NXPE2: variants seen among roughly 807,000 people sequenced by gnomAD.
NXPE2 encodes the protein neurexophilin and PC-esterase domain family member 2.
In NXPE2, 34 loss-of-function variants were observed where a neutral mutation model predicts 34.4. The ratio of observed to expected loss-of-function variants is 0.99; its 90% CI spans 0.75 to 1.31. The LOEUF is 1.31. Ranked by LOEUF, NXPE2 falls within the 40% of genes most tolerant of loss-of-function variation. The pLI is 0.00. For missense variants in NXPE2, 649 were observed against 672.5 expected (o/e 0.97, Z 0.39); for synonymous variants, 235 against 231.3 (o/e 1.02, Z -0.15).
At chr11:114,800,065 C>G in the NXPE2 span, among the ~76,000 whole-genome samples, 1 of 152,104 alleles carries the variant, frequency 6.6e-6, no homozygotes, top group African/African-American at 2.4e-5. Context: ...GGATCCAATG[C>G]AATTGTGCCT....
the NXPE2 span, among the ~76,000 whole-genome samples, chr11:114,494,227 A>G: frequency 6.6e-6 from 1 of 152,092 alleles, no homozygotes; most frequent in Non-Finnish European, 1.5e-5. Flanking sequence ...TTTGTACTTG[A>G]ATATTGATAT....
At chr11:114,628,003 C>T in the NXPE2 span, among the ~76,000 whole-genome samples, 1 of 151,732 alleles carries the variant, frequency 6.6e-6, no homozygotes, top group Non-Finnish European at 1.5e-5. Context: ...AACACAGGAG[C>T]ACCTAGATTC....
the NXPE2 span, among the ~76,000 whole-genome samples, chr11:114,466,913 A>T: frequency 6.6e-6 from 1 of 152,182 alleles, no homozygotes; most frequent in African/African-American, 2.4e-5. Flanking sequence ...ATTGAGTTGG[A>T]GGCTGAAGCA....
chr11:114,620,797 T>C, the NXPE2 span, among the ~76,000 whole-genome samples: 1 of 152,140 alleles, frequency 6.6e-6, no homozygotes, highest in Admixed American at 6.5e-5. Context: ...ATAATAAGTG[T>C]TGCCTCAGGG....
At chr11:114,767,460 C>T in the NXPE2 span, among the ~76,000 whole-genome samples, 2 of 152,248 alleles carry the variant, frequency 1.3e-5, no homozygotes, top group South Asian at 2.1e-4. Flanking sequence ...ATCCACATGC[C>T]CTTTCCCTGG....
chr11:114,527,962 T>C, the NXPE2 span: 1 of 1,305,642 alleles, frequency 7.7e-7, no homozygotes, highest in Non-Finnish European at 1.1e-6. Flanking sequence ...CACAGGTGAA[T>C]CATCTGCTTG....
At chr11:114,606,938 C>A in the NXPE2 span, among the ~76,000 whole-genome samples, 30 of 151,872 alleles carry the variant, frequency 2.0e-4, no homozygotes, top group Non-Finnish European at 5.9e-5. Context: ...CATGGGTAAC[C>A]ACTGTTATCC....
the NXPE2 span, among the ~76,000 whole-genome samples, chr11:114,770,079 A>T: frequency 0.5 from 75,507 of 152,082 alleles, 19,032 homozygotes; most frequent in South Asian, 0.6. Flanking sequence ...CTATAGCATA[A>T]GGCTCACTGA....
chr11:114,750,743 A>C, the NXPE2 span, among the ~76,000 whole-genome samples: 1 of 152,238 alleles, frequency 6.6e-6, no homozygotes, highest in Admixed American at 6.5e-5. Flanking sequence ...GTTACAATAT[A>C]ACATGAATCA....
the NXPE2 span, among the ~76,000 whole-genome samples, chr11:114,803,954 G>T: frequency 1.3e-5 from 2 of 152,008 alleles, no homozygotes. Flanking sequence ...CCCCCCAAAG[G>T]TCCTCCATTT....
At chr11:114,517,314 G>A in the NXPE2 span, among the ~76,000 whole-genome samples, 1 of 152,154 alleles carries the variant, frequency 6.6e-6, no homozygotes, top group Non-Finnish European at 1.5e-5. Flanking sequence ...AATAATGTCA[G>A]CTCCACATCC....
At chr11:114,695,118 G>C (rs1951224598) in intron 2 of NXPE2, among the ~76,000 whole-genome samples, 1 of 152,088 alleles carries the variant, frequency 6.6e-6, no homozygotes, top group African/African-American at 2.4e-5. Flanking sequence ...GTTTACTGTA[G>C]ATATTGTGTC....
chr11:114,571,566 T>C, the NXPE2 span: 1 of 1,117,258 alleles, frequency 9.0e-7, no homozygotes, highest in African/African-American at 1.6e-5. Flanking sequence ...TTGGTATAAT[T>C]AAATAAGCTA....
At chr11:114,588,354 C>T in the NXPE2 span, among the ~76,000 whole-genome samples, 1 of 152,218 alleles carries the variant, frequency 6.6e-6, no homozygotes, top group African/African-American at 2.4e-5. Context: ...GAGACTTAGG[C>T]CAATTTTCTG....
At chr11:114,670,690 T>C in the NXPE2 span, among the ~76,000 whole-genome samples, 1 of 152,082 alleles carries the variant, frequency 6.6e-6, no homozygotes, top group African/African-American at 2.4e-5. Flanking sequence ...AGACTGTGTC[T>C]CTATAAATAA....
chr11:114,602,456 A>C, the NXPE2 span, among the ~76,000 whole-genome samples: 1 of 134,778 alleles, frequency 7.4e-6, no homozygotes, highest in Non-Finnish European at 1.5e-5. Context: ...ATATATTATA[A>C]ATAATATATA....
chr11:114,662,628 A>G, the NXPE2 span, among the ~76,000 whole-genome samples: 1 of 152,094 alleles, frequency 6.6e-6, no homozygotes, highest in African/African-American at 2.4e-5. Context: ...TCACAGCTCC[A>G]AAAGAAACCC....
chr11:114,663,629 CT>C, the NXPE2 span, among the ~76,000 whole-genome samples: 1,184 of 100,176 alleles, frequency 0.012, 8 homozygotes, highest in South Asian at 0.037. Context: ...ATCTATCTAT[CT>C]ATCTATCATC....
the NXPE2 span, among the ~76,000 whole-genome samples, chr11:114,742,646 CTG>C: frequency 7.9e-6 from 1 of 126,028 alleles, no homozygotes; most frequent in Non-Finnish European, 1.7e-5. Flanking sequence ...TGCCCTAACA[CTG>C]TACTAGAACT....
Sources: allele counts gnomAD v4.1 joint callset (sites outside exome capture counted in the v4.1 genomes callset), GRCh38; gene constraint gnomAD v4.1.1; transcripts MANE v1.5; gene names NCBI Gene and HGNC (gene_info 2026-07-23, HGNC 2026-07-21).